AFG3L2: variants seen among roughly 807,000 people sequenced by gnomAD.
The protein encoded by AFG3L2 is mitochondrial inner membrane m-AAA protease component AFG3L2.
AFG3L2 carries 54 observed loss-of-function variants against 94.5 expected under a neutral mutation model. The ratio of observed to expected loss-of-function variants is 0.57; its 90% CI spans 0.46 to 0.72. The LOEUF (loss-of-function observed/expected upper bound fraction) is 0.72, where lower values mean the gene tolerates loss of function less well. Ranked by LOEUF, AFG3L2 falls within the 30% of genes least tolerant of loss-of-function variation. AFG3L2 has a pLI of 0.00. For missense variants in AFG3L2, 754 were observed against 994.9 expected, an observed-to-expected ratio of 0.76 and a Z score of 3.26; for synonymous variants, 377 against 365.5, an observed-to-expected ratio of 1.03 and a Z score of -0.36.
intron 3 of AFG3L2, 143 bp downstream of exon 3, chr18:12,370,706 G>A (rs758679873): frequency 2.3e-5 from 14 of 616,428 alleles, no homozygotes; most frequent in African/African-American, 1.5e-4. Flanking sequence ...TGATCCACCC[G>A]CCTAGGCCTC....
intron 15 of AFG3L2, among the ~76,000 whole-genome samples, chr18:12,339,168 C>T (rs1907853086): frequency 7.6e-6 from 1 of 131,440 alleles, no homozygotes; most frequent in Admixed American, 9.4e-5. Context: ...GTGAACCTGG[C>T]AGGCGGAGCT....
intron 16 of AFG3L2, 65 bp downstream of exon 16, chr18:12,337,276 C>CT (rs1907776537): frequency 1.4e-6 from 2 of 1,430,620 alleles, no homozygotes; most frequent in South Asian, 2.3e-5. Context: ...CCAAAACAGT[C>CT]TATCTATCAC....
At chr18:12,337,292 T>C in intron 16 of AFG3L2, 49 bp downstream of exon 16, 1 of 1,550,398 alleles carries the variant, frequency 6.4e-7, no homozygotes, top group Non-Finnish European at 8.9e-7. Flanking sequence ...ATCACTTCAA[T>C]CTTTTTTTTG....
At chr18:12,339,213 C>T (rs1907855129) in intron 15 of AFG3L2, among the ~76,000 whole-genome samples, 1 of 125,632 alleles carries the variant, frequency 8.0e-6, no homozygotes, top group South Asian at 2.6e-4. Flanking sequence ...TGCACTCCAG[C>T]CTGGGCGACC....
chr18:12,338,983 G>A (rs558828711), intron 15 of AFG3L2, among the ~76,000 whole-genome samples: 34 of 152,128 alleles, frequency 2.2e-4, no homozygotes, highest in African/African-American at 7.5e-4. Flanking sequence ...GGCCGGGCAC[G>A]GTGGCTCACG....
At chr18:12,355,385 C>A (rs75798676) in intron 9 of AFG3L2, among the ~76,000 whole-genome samples, 1 of 152,032 alleles carries the variant, frequency 6.6e-6, no homozygotes, top group Non-Finnish European at 1.5e-5. Context: ...ATCAAAACCA[C>A]GAGATACTAC....
At chr18:12,357,672 A>C (rs1265656670) in intron 8 of AFG3L2, among the ~76,000 whole-genome samples, 1 of 151,950 alleles carries the variant, frequency 6.6e-6, no homozygotes, top group Non-Finnish European at 1.5e-5. Flanking sequence ...ATCTCGGCTC[A>C]CTGCAACCTC....
Position 12,360,702 on chromosome 18 carries a change from A to G in AFG3L2, c.628-651T>C, listed in dbSNP as rs556675772. On this transcript the variant is annotated intron_variant, in intron 6 of 16. Coordinates refer to ENST00000269143, the MANE Select transcript of AFG3L2 (RefSeq NM_006796.3). Reference sequence around the variant, plus strand: ...TCAGGGGCCAGGTCAAGGCTATTCTACCAATCAGCACATAATTATTTCCTA... The same window carrying G: ...TCAGGGGCCAGGTCAAGGCTATTCTGCCAATCAGCACATAATTATTTCCTA... Among the ~76,000 whole-genome samples the G allele has an allele frequency of 3.3e-5, 5 of 152,314 alleles. No individual in the cohort carries two copies. The South Asian group carries it at 1.0e-3, about 32-fold the overall frequency.
chr18:12,370,669 G>A (rs1908956441), intron 3 of AFG3L2, among the ~76,000 whole-genome samples, 180 bp downstream of exon 3: 1 of 151,944 alleles, frequency 6.6e-6, no homozygotes, highest in Non-Finnish European at 1.5e-5. Context: ...ACATTGCCCA[G>A]GCTGGTCTCA....
chr18:12,358,909 T>C lies in AFG3L2; in HGVS notation c.787A>G (p.Ile263Val). The C allele has an allele frequency of 1.2e-6, 2 of 1,614,160 alleles. No individual in the cohort carries two copies. Among genetic ancestry groups the C allele is most frequent in the Admixed American group, 3.3e-5 (2 of 60,008 alleles). ...FLLSMLPTVL[I>V]IAFLLYTIRR... ...ATGGTGTAGAGCAAGAAGGCGATGA[T>C]GAGCACCGTAGGCAGCATGCTCAGC... The change falls in exon 8 of 17, where the codon ATC becomes GTC. Residue 263 changes from isoleucine to valine, a missense_variant. By Grantham distance (29) the Ile-to-Val change is conservative. Transcript: ENST00000269143.
chr18:12,344,622 T>A (rs912533683), intron 13 of AFG3L2, among the ~76,000 whole-genome samples: 1 of 151,164 alleles, frequency 6.6e-6, no homozygotes, highest in Admixed American at 6.6e-5. Flanking sequence ...TGCAGTGAAC[T>A]GAGATCATGC....
intron 13 of AFG3L2, among the ~76,000 whole-genome samples, chr18:12,345,696 G>A (rs1017514961): frequency 2.0e-5 from 3 of 152,064 alleles, no homozygotes; most frequent in Non-Finnish European, 2.9e-5. Flanking sequence ...CAAAACCTGC[G>A]GCTGCGTGGC....
intron 16 of AFG3L2, 125 bp from the exon 17 acceptor site, chr18:12,329,908 A>C: frequency 1.2e-6 from 1 of 836,768 alleles, no homozygotes; most frequent in Non-Finnish European, 1.9e-6. Flanking sequence ...AAGATGTCTC[A>C]TACATAAGGT....
intron 1 of AFG3L2, among the ~76,000 whole-genome samples, chr18:12,372,493 G>T (rs1000584226): frequency 2.6e-4 from 39 of 152,100 alleles, no homozygotes; most frequent in African/African-American, 9.2e-4. Flanking sequence ...GCTCCAAAAT[G>T]GTACCACATG....
chr18:12,350,407 T>G (rs1243971575), intron 12 of AFG3L2, among the ~76,000 whole-genome samples: 4 of 152,002 alleles, frequency 2.6e-5, no homozygotes, highest in African/African-American at 9.7e-5. Context: ...TTAGTTAACT[T>G]TATTTCAATA....
chr18:12,365,379 G>C (rs1908774342), intron 5 of AFG3L2, among the ~76,000 whole-genome samples: 2 of 152,164 alleles, frequency 1.3e-5, no homozygotes, highest in Non-Finnish European at 1.5e-5. Context: ...GCTTCTGAGT[G>C]GGAGTCCCCA....
rs1167498476 is a variant in AFG3L2, at chr18:12,329,355, G to A, written c.*210C>T. On this transcript the variant is annotated 3_prime_UTR_variant, in exon 17 of 17. Coordinates refer to ENST00000269143, the MANE Select transcript of AFG3L2 (RefSeq NM_006796.3). ...GCCCAATGAGGCTATGGGACAGTGTGCATTTCCCTCAAGGCCTCCGGAAAG... is the reference window on the plus strand; with the variant it reads ...GCCCAATGAGGCTATGGGACAGTGTACATTTCCCTCAAGGCCTCCGGAAAG... 3.0e-6 allele frequency: 2 copies of A among 673,072 alleles called. No homozygotes were observed. The highest frequency in any genetic ancestry group is 5.4e-6 in the Non-Finnish European group (2 of 373,708). 41.7% of individuals were successfully genotyped at this position (673,072 alleles called of 1,614,324 possible). A position where few individuals can be genotyped will look rare whatever the true frequency, so the allele number is the denominator to read the frequency against.
At chr18:12,371,806 G>A (rs1209755516) in intron 1 of AFG3L2, 115 bp from the exon 2 acceptor site, 1 of 836,410 alleles carries the variant, frequency 1.2e-6, no homozygotes, top group Non-Finnish European at 2.0e-6. Flanking sequence ...AGGTGGTTAT[G>A]AAGTAACACA....
intron 9 of AFG3L2, among the ~76,000 whole-genome samples, chr18:12,354,071 C>T (rs112880346): frequency 5.8e-4 from 88 of 151,872 alleles, no homozygotes; most frequent in African/African-American, 1.9e-3. Context: ...CTCAGCACCT[C>T]ACCATCAGTC....
Sources: gnomAD v4.1 joint callset for allele counts (sites outside exome capture counted in the v4.1 genomes callset) on GRCh38, gnomAD v4.1.1 for gene constraint, MANE v1.5 for transcripts, NCBI Gene and HGNC (gene_info 2026-07-23, HGNC 2026-07-21) for gene names.